The following SLC25A24 variants were observed in gnomAD, a reference collection of about 807,000 sequenced individuals.
SLC25A24 encodes mitochondrial adenyl nucleotide antiporter SLC25A24.
Under a neutral mutation model 60.7 loss-of-function variants are expected in SLC25A24, and 49 were observed. That is an observed-to-expected ratio of 0.81 (90% CI 0.64 to 1.02). The LOEUF is 1.02. Ranked by LOEUF, SLC25A24 falls within the 50% of genes least tolerant of loss-of-function variation. The probability of loss-of-function intolerance (pLI) is 0.00; values close to 1 mark genes in which losing one functional copy is unlikely to be tolerated. For missense variants in SLC25A24, 564 were observed against 586.3 expected, an observed-to-expected ratio of 0.96 and a Z score of 0.39; for synonymous variants, 202 against 200.6, an observed-to-expected ratio of 1.01 and a Z score of -0.06.
chr1:108,198,948 T>C, intron 1 of SLC25A24: 1 of 152,094 alleles, frequency 6.6e-6, no homozygotes, highest in Non-Finnish European at 1.5e-5. Context: ...ATGAATAAAA[T>C]ACACAAAACT....
intron 8 of SLC25A24, among the ~76,000 whole-genome samples, chr1:108,143,279 C>T (rs1175330897): frequency 6.6e-6 from 1 of 152,146 alleles, no homozygotes; most frequent in Non-Finnish European, 1.5e-5. Context: ...AGGAAAAAAT[C>T]TCTAGAAACA....
intron 3 of SLC25A24, among the ~76,000 whole-genome samples, chr1:108,178,769 G>A (rs1169453818): frequency 2.6e-5 from 4 of 151,984 alleles, no homozygotes; most frequent in Admixed American, 6.5e-5. Flanking sequence ...AGCCAAGATC[G>A]GGCCACAGCA....
chr1:108,175,729 T>C (rs1647653350), intron 3 of SLC25A24, among the ~76,000 whole-genome samples: 2 of 152,158 alleles, frequency 1.3e-5, no homozygotes, highest in Non-Finnish European at 1.5e-5. Flanking sequence ...AGACAGACAG[T>C]AATGAGTATT....
At chr1:108,138,085 G>A (rs76463942) in intron 9 of SLC25A24, among the ~76,000 whole-genome samples, 7,435 of 152,240 alleles carry the variant, frequency 0.049, 263 homozygotes, top group South Asian at 0.077. Context: ...ATTCTGCAGC[G>A]CCCAAGTTAG....
chr1:108,137,635 T>C (rs1288808939), intron 9 of SLC25A24, among the ~76,000 whole-genome samples: 2 of 152,204 alleles, frequency 1.3e-5, no homozygotes, highest in Non-Finnish European at 2.9e-5. Flanking sequence ...AATGACAGTC[T>C]ATCAGCCATA....
At chr1:108,157,385 TTC>T in intron 5 of SLC25A24, 75 bp downstream of exon 5, 1 of 1,462,870 alleles carries the variant, frequency 6.8e-7, no homozygotes, top group Non-Finnish European at 9.2e-7. Context: ...ATTTTAAAAC[TTC>T]TTTTTCAAAG....
chr1:108,187,077 C>CAA (rs3043344), intron 1 of SLC25A24, among the ~76,000 whole-genome samples: 64,782 of 139,258 alleles, frequency 0.47, 15,046 homozygotes, highest in Middle Eastern at 0.57. Context: ...AACTCTATCT[C>CAA]AAAAAAAAAA....
At chr1:108,198,975 G>A (rs1246103505) in intron 1 of SLC25A24, 1 of 152,140 alleles carries the variant, frequency 6.6e-6, no homozygotes, top group South Asian at 2.1e-4. Flanking sequence ...AGATTGAAGG[G>A]GAGAAAAGGA....
At chr1:108,147,035 G>A (rs1398266157) in intron 7 of SLC25A24, among the ~76,000 whole-genome samples, 1 of 152,164 alleles carries the variant, frequency 6.6e-6, no homozygotes, top group Non-Finnish European at 1.5e-5. Flanking sequence ...CTATGAATCT[G>A]TCTGGTCCTG....
intron 1 of SLC25A24, among the ~76,000 whole-genome samples, chr1:108,189,321 C>T (rs866396332): frequency 6.6e-6 from 1 of 152,284 alleles, no homozygotes; most frequent in Admixed American, 6.5e-5. Context: ...ATGGTCTGAA[C>T]TATTAAATGG....
rs768020578 is a variant in SLC25A24 at position 108,161,265 on chromosome 1, C to A, written c.427G>T (p.Asp143Tyr). The A allele has an allele frequency of 1.3e-6, 2 of 1,598,510 alleles. No individual in the cohort carries two copies. The highest frequency in any genetic ancestry group is 1.1e-5 in the South Asian group (1 of 89,990). ...AAGTAGTCTCTCCATTCATTCCAGT[C>A]CACTGTCATTGTCCCATCAACATCA... ...SIDVDGTMTV[D>Y]WNEWRDYFLF... The change falls in exon 4 of 10, where the codon GAC becomes TAC. Residue 143 changes from aspartate to tyrosine, a missense_variant. Asp to Tyr is a radical substitution (Grantham distance 160). Coordinates refer to ENST00000565488, the MANE Select transcript of SLC25A24 (RefSeq NM_013386.5).
rs972556946 is a variant in SLC25A24, at chr1:108,193,734, C to G, written c.183+6222G>C. On this transcript the variant is annotated intron_variant, in intron 1 of 9. Coordinates refer to ENST00000565488, the MANE Select transcript of SLC25A24 (RefSeq NM_013386.5). ...CCCCTCACAGTTTTTTATCTTTTATCTTCATCCAACCACTACAATGGCTCC... is the reference window on the plus strand; with the variant it reads ...CCCCTCACAGTTTTTTATCTTTTATGTTCATCCAACCACTACAATGGCTCC... Among the ~76,000 whole-genome samples the G allele has an allele frequency of 5.0e-5, 7 of 140,230 alleles. 2 individuals carry two copies. The highest frequency in any genetic ancestry group is 3.2e-4 in the Admixed American group (4 of 12,506). The allele number at this position is 140,230 out of a possible 152,430, so 92.0% of individuals were successfully genotyped here. A position where few individuals can be genotyped will look rare whatever the true frequency, so the allele number is the denominator to read the frequency against.
intron 3 of SLC25A24, among the ~76,000 whole-genome samples, chr1:108,165,176 G>C (rs1426486383): frequency 6.6e-6 from 1 of 151,862 alleles, no homozygotes; most frequent in Non-Finnish European, 1.5e-5. Context: ...TATAATTTCT[G>C]TTCTTTTACA....
chr1:108,162,596 C>T (rs1170597458), intron 3 of SLC25A24, among the ~76,000 whole-genome samples: 22 of 151,976 alleles, frequency 1.4e-4, no homozygotes, highest in East Asian at 1.4e-3. Context: ...TGTCTTCTTT[C>T]GAGAAGTGTC....
chr1:108,160,936 C>T lies in SLC25A24; in HGVS notation c.510+246G>A, dbSNP rs750816421. Among the ~76,000 whole-genome samples, 102 of 151,468 alleles carry T rather than the reference C, an allele frequency of 6.7e-4. 1 individual carries two copies. The highest frequency in any genetic ancestry group is 8.1e-4 in the Non-Finnish European group (55 of 67,878). On this transcript the variant is annotated intron_variant, in intron 4 of 9. Transcript: ENST00000565488. ...CTTTGGCTCGGCATCAGAGGGAGAC[C>T]GTGGAAAGAGAGGGAGAGGGAGACC...
chr1:108,162,393 A>G (rs1389084888), intron 3 of SLC25A24, among the ~76,000 whole-genome samples: 2 of 150,462 alleles, frequency 1.3e-5, no homozygotes, highest in South Asian at 2.1e-4. Flanking sequence ...GGGTTGAACT[A>G]GTTTACAGTC....
chr1:108,170,676 G>T (rs1414190024), intron 3 of SLC25A24, among the ~76,000 whole-genome samples: 2 of 151,700 alleles, frequency 1.3e-5, no homozygotes, highest in African/African-American at 4.8e-5. Flanking sequence ...TTTTATTAAT[G>T]TTTTTACTAT....
rs1423576875 is a variant in SLC25A24, at chr1:108,136,809, A to G, written c.1278T>C (p.Asn426=). 9 of 1,614,006 alleles carry G rather than the reference A, an allele frequency of 5.6e-6. No homozygotes were observed. In the Admixed American group the frequency reaches 8.3e-5, roughly 15 times the overall value. Residue 426 remains asparagine (N), a synonymous_variant, in exon 10 of 10, where the codon AAT becomes AAC. Coordinates refer to ENST00000565488, the MANE Select transcript of SLC25A24 (RefSeq NM_013386.5). ...TAATTCGTCGAAAGAGGCCAACCAT[A>G]TTCAGCTGTGGGGAACCTTCTAACA... ...QAMLEGSPQL[N]MVGLFRRIIS... is the part of the protein sequence containing the mutation.
intron 3 of SLC25A24, among the ~76,000 whole-genome samples, chr1:108,167,181 C>T (rs1680280152): frequency 1.3e-5 from 2 of 151,056 alleles, no homozygotes. Context: ...GGGAGAACCA[C>T]TGCTCTCTTC....
Sources: gnomAD v4.1 joint callset for allele counts (sites outside exome capture counted in the v4.1 genomes callset) on GRCh38, gnomAD v4.1.1 for gene constraint, MANE v1.5 for transcripts, NCBI Gene and HGNC (gene_info 2026-07-23, HGNC 2026-07-21) for gene names.